PDE4D: variants seen among roughly 807,000 people sequenced by gnomAD.
PDE4D encodes phosphodiesterase 4D, also known as 3',5'-cyclic-AMP phosphodiesterase 4D.
A neutral mutation model predicts 87.4 loss-of-function variants in PDE4D; 24 were observed. The ratio of observed to expected loss-of-function variants is 0.27; its 90% CI spans 0.20 to 0.39. The LOEUF (loss-of-function observed/expected upper bound fraction) is 0.39. Ranked by LOEUF, PDE4D falls within the 10% of genes least tolerant of loss-of-function variation. The pLI is 1.00. For missense variants in PDE4D, 714 were observed against 1,041.0 expected, an observed-to-expected ratio of 0.69 and a Z score of 4.32; for synonymous variants, 384 against 383.2, an observed-to-expected ratio of 1.00 and a Z score of -0.02.
At chr5:59,877,030 G>A (rs1748700071) in intron 1 of PDE4D, among the ~76,000 whole-genome samples, 1 of 152,142 alleles carries the variant, frequency 6.6e-6, no homozygotes, top group South Asian at 2.1e-4. Context: ...ATCCTGGTTT[G>A]AGAGCAAGTA....
intron 1 of PDE4D, among the ~76,000 whole-genome samples, chr5:59,847,020 C>A (rs73761007): frequency 0.01 from 1,543 of 152,068 alleles, 31 homozygotes; most frequent in African/African-American, 0.035. Flanking sequence ...TGAGAAATGG[C>A]AGAGCCTATT....
intron 3 of PDE4D, among the ~76,000 whole-genome samples, chr5:59,907,734 C>T (rs1752995458): frequency 6.6e-6 from 1 of 152,150 alleles, no homozygotes; most frequent in Non-Finnish European, 1.5e-5. Context: ...AAGATGATTT[C>T]AGCAGCCTCC....
chr5:59,937,919 T>G (rs1207344556), intron 3 of PDE4D, among the ~76,000 whole-genome samples: 1 of 152,208 alleles, frequency 6.6e-6, no homozygotes, highest in African/African-American at 2.4e-5. Flanking sequence ...GAGGGCATAT[T>G]AGGTATGACA....
intron 1 of PDE4D, among the ~76,000 whole-genome samples, chr5:59,673,621 A>C (rs1747584146): frequency 6.6e-6 from 1 of 152,176 alleles, no homozygotes; most frequent in African/African-American, 2.4e-5. Context: ...GCTTCATTCT[A>C]AGGGAAGCAT....
At chr5:59,568,512 GA>G (rs1821313755) in intron 1 of PDE4D, among the ~76,000 whole-genome samples, 1 of 152,006 alleles carries the variant, frequency 6.6e-6, no homozygotes, top group East Asian at 1.9e-4. Flanking sequence ...TAAAAATAAG[GA>G]AAAATAATAC....
At chr5:60,400,565 TC>T (rs1740988672) in intron 1 of PDE4D, among the ~76,000 whole-genome samples, 1 of 141,878 alleles carries the variant, frequency 7.0e-6, no homozygotes, top group South Asian at 2.3e-4. Context: ...TTCTTATCAA[TC>T]CCCAAGTATA....
intron 1 of PDE4D, among the ~76,000 whole-genome samples, chr5:59,831,203 A>C (rs945516261): frequency 6.6e-6 from 1 of 151,938 alleles, no homozygotes; most frequent in African/African-American, 2.4e-5. Flanking sequence ...GAATAGAAAA[A>C]CAGCACTTTT....
Position 59,732,394 on chromosome 5 carries a change from T to TCACACACACACACA in PDE4D, c.455+160760_455+160773dup, listed in dbSNP as rs71604799. 2.5e-3 allele frequency among the ~76,000 whole-genome samples: 362 copies of TCACACACACACACA among 146,208 alleles called. 7 individuals are homozygous for TCACACACACACACA. Among genetic ancestry groups the TCACACACACACACA allele is most frequent in the African/African-American group, 7.7e-3 (306 of 39,524 alleles). The stretch of plus-strand genomic sequence containing the variant: ...GTGAATTTCAAATGTCAGGAGACAT[T>TCACACACACACACA]CACACACACACACACACACACACAC... On this transcript the variant is annotated intron_variant, in intron 1 of 14. Coordinates refer to ENST00000340635, the MANE Select transcript of PDE4D (RefSeq NM_001104631.2).
At chr5:59,464,991 G>A (rs189330126) in intron 1 of PDE4D, among the ~76,000 whole-genome samples, 4 of 152,244 alleles carry the variant, frequency 2.6e-5, no homozygotes, top group South Asian at 2.1e-4. Context: ...GATTAAGAGC[G>A]GTAGCAGTCC....
chr5:59,558,574 T>C (rs1170950482), intron 1 of PDE4D: 1 of 152,144 alleles, frequency 6.6e-6, no homozygotes, highest in Admixed American at 6.5e-5. Context: ...AAAAATAACA[T>C]ATTTTAATGT....
chr5:59,806,426 C>T (rs1335588458), intron 1 of PDE4D, among the ~76,000 whole-genome samples: 1 of 152,178 alleles, frequency 6.6e-6, no homozygotes, highest in Non-Finnish European at 1.5e-5. Flanking sequence ...TCAAAAGGAG[C>T]AGCCTGCCAA....
chr5:60,463,999 AT>A (rs544488470), intron 1 of PDE4D, among the ~76,000 whole-genome samples: 24 of 152,300 alleles, frequency 1.6e-4, no homozygotes, highest in Middle Eastern at 3.4e-3. Context: ...TTAAAATGAA[AT>A]TTTAACCCAT....
chr5:59,826,620 T>A (rs773677205), intron 1 of PDE4D, among the ~76,000 whole-genome samples: 3 of 152,114 alleles, frequency 2.0e-5, no homozygotes, highest in Non-Finnish European at 4.4e-5. Context: ...AGAGGCTATT[T>A]CAATTTTTGC....
chr5:59,134,418 A>G (rs919049138), intron 5 of PDE4D, among the ~76,000 whole-genome samples: 11 of 151,954 alleles, frequency 7.2e-5, no homozygotes, highest in Non-Finnish European at 1.6e-4. Flanking sequence ...TCCAATTTCA[A>G]TTATAACCTA....
chr5:60,219,773 C>A (rs767460500), intron 1 of PDE4D, among the ~76,000 whole-genome samples: 1 of 152,152 alleles, frequency 6.6e-6, no homozygotes. Context: ...AAAATGAGTT[C>A]ACTGCTGCAG....
At chr5:59,380,946 G>A (rs1000799516) in intron 1 of PDE4D, among the ~76,000 whole-genome samples, 2 of 152,064 alleles carry the variant, frequency 1.3e-5, no homozygotes, top group Non-Finnish European at 2.9e-5. Context: ...ACAGATAACT[G>A]CATTTGCTCT....
chr5:59,843,468 A>T (rs903383990), intron 1 of PDE4D, among the ~76,000 whole-genome samples: 2 of 151,986 alleles, frequency 1.3e-5, no homozygotes, highest in Non-Finnish European at 1.5e-5. Flanking sequence ...TTCACCTCCC[A>T]AACAATTTCT....
intron 1 of PDE4D, among the ~76,000 whole-genome samples, chr5:60,381,254 A>C (rs1366429182): frequency 6.6e-6 from 1 of 152,188 alleles, no homozygotes; most frequent in Non-Finnish European, 1.5e-5. Flanking sequence ...CCTCCATTAA[A>C]AACATCAAAG....
intron 2 of PDE4D, among the ~76,000 whole-genome samples, chr5:60,052,897 A>G (rs1295748859): frequency 1.3e-5 from 2 of 152,224 alleles, no homozygotes; most frequent in Non-Finnish European, 2.9e-5. Flanking sequence ...CATCAGTAAT[A>G]GACAAACAGA....
Sources: gnomAD v4.1 joint callset for allele counts (sites outside exome capture counted in the v4.1 genomes callset) on GRCh38, gnomAD v4.1.1 for gene constraint, MANE v1.5 for transcripts, NCBI Gene and HGNC (gene_info 2026-07-23, HGNC 2026-07-21) for gene names.